Variants in SANBR observed in about 807,000 individuals in gnomAD.
SANBR encodes the protein SANT and BTB domain regulator of class switch recombination.
A neutral mutation model predicts 101.8 loss-of-function variants in SANBR; 77 were observed. The observed-to-expected ratio is 0.76, with a 90% CI of 0.63 to 0.91. SANBR has a LOEUF of 0.91. Ranked by LOEUF, SANBR falls within the 40% of genes least tolerant of loss-of-function variation. The probability of loss-of-function intolerance (pLI) is 0.00; values close to 1 mark genes in which losing one functional copy is unlikely to be tolerated. For synonymous variants in SANBR, 279 were observed against 274.7 expected (o/e 1.02, Z -0.15); for missense variants, 875 against 853.0 (o/e 1.03, Z -0.32).
intron 1 of SANBR, among the ~76,000 whole-genome samples, chr2:61,067,867 T>C (rs1171775842): frequency 6.6e-6 from 1 of 152,212 alleles, no homozygotes; most frequent in East Asian, 1.9e-4. Flanking sequence ...AGAAAGCAAG[T>C]CTTTCAAGGA....
At chr2:61,086,880 C>T (rs563732030) in intron 8 of SANBR, among the ~76,000 whole-genome samples, 3 of 151,826 alleles carry the variant, frequency 2.0e-5, no homozygotes, top group Admixed American at 6.6e-5. Context: ...AGGAATTATC[C>T]AAGAGCTAAA....
At chr2:61,118,162 T>C in intron 20 of SANBR, 46 bp downstream of exon 20, 2 of 1,240,614 alleles carry the variant, frequency 1.6e-6, no homozygotes, top group Non-Finnish European at 2.3e-6. Flanking sequence ...AAATATGCCT[T>C]CCTACTTTTA....
intron 20 of SANBR, among the ~76,000 whole-genome samples, chr2:61,130,444 T>C (rs1377643766): frequency 6.6e-6 from 1 of 152,126 alleles, no homozygotes; most frequent in Non-Finnish European, 1.5e-5. Context: ...CAGACATCAC[T>C]AGACAAAGGT....
In SANBR at chr2:61,103,886, C is replaced by T; in HGVS notation, c.1399C>T (p.Arg467Cys). ...AGTGAGGGACCACATGGTTACACTT[C>T]GTGATCAAGGTGAAGGCGGAGATTT... is the stretch of plus-strand genomic sequence containing the variant. ...CKVRDHMVTLRDQGEGGDLPS... is the reference protein window; with the variant it reads ...CKVRDHMVTLCDQGEGGDLPS... Residue 467 changes from arginine (R) to cysteine (C), a missense_variant, in exon 13 of 22, where the codon CGT (arginine) becomes TGT (cysteine). Arg to Cys is a radical substitution (Grantham distance 180, BLOSUM62 -3). Coordinates refer to ENST00000402291, the MANE Select transcript of SANBR (RefSeq NM_001129993.3). 3.1e-6 allele frequency: 5 copies of T among 1,614,158 alleles called. No individual in the cohort carries two copies. The highest frequency in any genetic ancestry group is 4.2e-6 in the Non-Finnish European group (5 of 1,180,008).
rs572516301 is a variant in SANBR, at chr2:61,082,037, A to T, written c.729+527A>T. On this transcript the variant is annotated intron_variant, in intron 7 of 21. Coordinates refer to ENST00000402291, the MANE Select transcript of SANBR (RefSeq NM_001129993.3). ...TAGTCCCCTGTATTCTTTTATTTTT[A>T]AAATTAAATGGAGATGGGGTGGGGT... Among the ~76,000 whole-genome samples the T allele has an allele frequency of 2.0e-5, 3 of 151,996 alleles. No homozygotes were observed. In the East Asian group the frequency reaches 5.8e-4, roughly 29 times the overall value.
intron 16 of SANBR, among the ~76,000 whole-genome samples, chr2:61,109,833 A>G (rs567556226): frequency 6.6e-6 from 1 of 151,796 alleles, no homozygotes; most frequent in African/African-American, 2.4e-5. Context: ...CTGTATTTTT[A>G]ATAGAGACGG....
At chr2:61,104,521 G>T (rs1043367525) in intron 13 of SANBR, among the ~76,000 whole-genome samples, 3 of 151,890 alleles carry the variant, frequency 2.0e-5, no homozygotes, top group African/African-American at 7.3e-5. Flanking sequence ...GATTAAAAAG[G>T]TTAAGACCTT....
At chr2:61,066,180 AGCCTC>A in intron 1 of SANBR, 153 bp downstream of exon 1, 1 of 152,510 alleles carries the variant, frequency 6.6e-6, no homozygotes, top group East Asian at 1.9e-4. Context: ...CCCCGTGCAC[AGCCTC>A]AGCCGGCCGC....
chr2:61,133,883 C>G (rs1003846506), intron 20 of SANBR, among the ~76,000 whole-genome samples: 2 of 152,108 alleles, frequency 1.3e-5, no homozygotes, highest in African/African-American at 4.8e-5. Context: ...TTGCATAAGT[C>G]TGAGAGTATA....
intron 5 of SANBR, 73 bp from the exon 6 acceptor site, chr2:61,076,845 TCA>T: frequency 9.9e-7 from 1 of 1,012,112 alleles, no homozygotes; most frequent in South Asian, 1.5e-5. Context: ...TCTCTTCCCT[TCA>T]CTAAATGTCA....
chr2:61,072,849 T>TTTTTTTTTTTTTTTTTTTG (rs1553428537), intron 4 of SANBR, among the ~76,000 whole-genome samples: 1 of 104,022 alleles, frequency 9.6e-6, no homozygotes, highest in Non-Finnish European at 2.1e-5. Context: ...TTTTTTTTTT[T>TTTTTTTTTTTTTTTTTTTG]TATACAGGTA....
chr2:61,133,942 G>C (rs544800821), intron 20 of SANBR, among the ~76,000 whole-genome samples: 2 of 152,168 alleles, frequency 1.3e-5, no homozygotes, highest in Admixed American at 6.5e-5. Context: ...TGTATGATAT[G>C]TGGATTATAT....
chr2:61,073,374 A>G (rs1189983812), intron 4 of SANBR, 84 bp from the exon 5 acceptor site: 3 of 582,198 alleles, frequency 5.2e-6, no homozygotes, highest in Admixed American at 3.3e-5. Flanking sequence ...CAGTATTACC[A>G]TTCAATAAAT....
intron 21 of SANBR, among the ~76,000 whole-genome samples, chr2:61,136,660 G>A (rs1249567575): frequency 1.3e-5 from 2 of 149,252 alleles, no homozygotes; most frequent in Non-Finnish European, 3.0e-5. Flanking sequence ...CAAGCAAACT[G>A]ATGCAAACTC....
chr2:61,076,626 T>TA (rs1236468990), intron 5 of SANBR, among the ~76,000 whole-genome samples: 286 of 118,986 alleles, frequency 2.4e-3, no homozygotes, highest in East Asian at 5.0e-3. Flanking sequence ...AGACTCCGTC[T>TA]AAAAAAAAAA....
rs180896043 is a variant in SANBR, at chr2:61,122,152, G to A, written c.2147G>A (p.Arg716His). ...TRSKSRFGQG[R>H]PA ...TCTAAAAGTCGTTTTGGTCAAGGGCGTCCTGCATAAAGTACCTTAAAATAT... is the reference window on the plus strand; with the variant it reads ...TCTAAAAGTCGTTTTGGTCAAGGGCATCCTGCATAAAGTACCTTAAAATAT... The change falls in exon 22 of 22, where the codon CGT becomes CAT. Residue 716 changes from arginine to histidine, a missense_variant. Transcript: ENST00000402291. 1,174 of 1,549,526 alleles carry A rather than the reference G, an allele frequency of 7.6e-4. No individual in the cohort carries two copies. The highest frequency in any genetic ancestry group is 9.8e-4 in the Non-Finnish European group (1,127 of 1,145,350).
At chr2:61,083,545 C>G (rs1224913386) in intron 8 of SANBR, among the ~76,000 whole-genome samples, 3 of 148,376 alleles carry the variant, frequency 2.0e-5, no homozygotes, top group Non-Finnish European at 4.4e-5. Flanking sequence ...TACAGGAATG[C>G]ACCACCATGC....
rs1368566788 is a variant in SANBR at position 61,116,037 on chromosome 2, C to G, written c.1803C>G (p.Pro601=). ...TRQPKKQVSS[P]CAQRKEKALE... ...AACCAAAAAAGCAGGTATCTTCACC[C>G]TGTGCCCAGAGGAAAGAAAAGGCAT... is the stretch of plus-strand genomic sequence containing the variant. The change falls in exon 17 of 22, where the codon CCC becomes CCG. Residue 601 remains proline (P), a synonymous_variant. Transcript: ENST00000402291. 1 of 1,611,302 alleles carries G rather than the reference C, an allele frequency of 6.2e-7. No homozygotes were observed. The highest frequency in any genetic ancestry group is 1.3e-5 in the African/African-American group (1 of 74,724).
At chr2:61,094,950 T>G (rs1156420152) in intron 11 of SANBR, among the ~76,000 whole-genome samples, 2 of 152,164 alleles carry the variant, frequency 1.3e-5, no homozygotes, top group Non-Finnish European at 2.9e-5. Flanking sequence ...CGGCCTCTCT[T>G]CTTTCTTATT....
Sources: allele counts gnomAD v4.1 joint callset (sites outside exome capture counted in the v4.1 genomes callset), GRCh38; gene constraint gnomAD v4.1.1; transcripts MANE v1.5; gene names NCBI Gene and HGNC (gene_info 2026-07-23, HGNC 2026-07-21).